The following N4BP2 variants were observed in gnomAD, a reference collection of about 807,000 sequenced individuals.
N4BP2 encodes the protein NEDD4-binding protein 2.
N4BP2 carries 91 observed loss-of-function variants against 152.8 expected under a neutral mutation model. The ratio of observed to expected loss-of-function variants is 0.60; its 90% CI spans 0.50 to 0.71. The LOEUF (loss-of-function observed/expected upper bound fraction) is 0.71. Among genes scored for constraint, N4BP2 ranks in the 30% least tolerant of loss-of-function variants. The pLI, the probability that N4BP2 is intolerant of heterozygous loss-of-function variation, is 0.00. For missense variants in N4BP2, 1,923 were observed against 2,059.1 expected (o/e 0.93, Z 1.28); for synonymous variants, 646 against 705.3 (o/e 0.92, Z 1.33).
At chr4:40,061,298 T>C (rs1482151851) in intron 1 of N4BP2, among the ~76,000 whole-genome samples, 1 of 151,898 alleles carries the variant, frequency 6.6e-6, no homozygotes, top group Non-Finnish European at 1.5e-5. Flanking sequence ...GCCTCCCGAG[T>C]AGCTGGGATT....
Position 40,112,152 on chromosome 4 carries a change from A to G in N4BP2, c.1567A>G (p.Met523Val). 6.4e-7 allele frequency: 1 copy of G among 1,571,146 alleles called. No individual in the cohort carries two copies. The stretch of plus-strand genomic sequence containing the variant: ...TAATACAAACCTACAGGCATGGGAA[A>G]TGAAACCATATGTTGCTTTGGTTAG... ...IDNTNLQAWEMKPYVALSQKH... is the reference protein window; with the variant it reads ...IDNTNLQAWEVKPYVALSQKH... The change falls in exon 6 of 18, where the codon ATG becomes GTG. Residue 523 changes from methionine (M) to valine (V), a missense_variant. By Grantham distance (21) the Met-to-Val change is conservative. Transcript: ENST00000261435.
At chr4:40,179,549 T>A in the N4BP2 span, among the ~76,000 whole-genome samples, 1 of 152,280 alleles carries the variant, frequency 6.6e-6, no homozygotes, top group South Asian at 2.1e-4. Context: ...AGGCTATTAT[T>A]ATCCCCATTT....
chr4:40,081,446 G>T lies in N4BP2; in HGVS notation c.-115+7895G>T. On this transcript the variant is annotated intron_variant, in intron 2 of 17. Transcript: ENST00000261435. ...GGATTACCTGAGGTCAGGAGTTCAA[G>T]ACCAATCTGACCAACATGGTAAAAC... 1.3e-5 allele frequency among the ~76,000 whole-genome samples: 2 copies of T among 152,084 alleles called. 1 individual carries two copies. Among genetic ancestry groups the T allele is most frequent in the Non-Finnish European group, 2.9e-5 (2 of 68,026 alleles).
At chr4:40,171,334 C>G in the N4BP2 span, among the ~76,000 whole-genome samples, 4 of 152,286 alleles carry the variant, frequency 2.6e-5, no homozygotes, top group African/African-American at 7.2e-5. Context: ...AGAGTGCCAT[C>G]TTGTTTTCTA....
chr4:40,168,993 T>C, the N4BP2 span, among the ~76,000 whole-genome samples: 1 of 152,110 alleles, frequency 6.6e-6, no homozygotes, highest in Non-Finnish European at 1.5e-5. Context: ...CCCAAAGTGC[T>C]GGGATTACAG....
intron 16 of N4BP2, among the ~76,000 whole-genome samples, chr4:40,147,927 G>A (rs1049250058): frequency 6.6e-6 from 1 of 151,278 alleles, no homozygotes; most frequent in Non-Finnish European, 1.5e-5. Context: ...CATTTCAGAC[G>A]ATGGGCGGCC....
intron 1 of N4BP2, among the ~76,000 whole-genome samples, chr4:40,072,178 G>A (rs1245353876): frequency 6.6e-6 from 1 of 151,420 alleles, no homozygotes; most frequent in African/African-American, 2.4e-5. Context: ...GGGTTCAAGT[G>A]ATTCTTGTGC....
At chr4:40,096,618 C>T (rs897114131) in intron 2 of N4BP2, among the ~76,000 whole-genome samples, 1 of 152,028 alleles carries the variant, frequency 6.6e-6, no homozygotes, top group Non-Finnish European at 1.5e-5. Context: ...TAGACTGAAG[C>T]GGCAAGGGTG....
At chr4:40,088,973 CAG>C (rs1714267362) in intron 2 of N4BP2, among the ~76,000 whole-genome samples, 2 of 151,728 alleles carry the variant, frequency 1.3e-5, no homozygotes, top group African/African-American at 4.8e-5. Context: ...TTTTTTGAAA[CAG>C]AGTCTCTGTC....
chr4:40,147,249 A>T (rs1720629385), intron 16 of N4BP2, among the ~76,000 whole-genome samples: 1 of 151,766 alleles, frequency 6.6e-6, no homozygotes, highest in African/African-American at 2.4e-5. Context: ...GATCAACAGG[A>T]TCCCAAGGCA....
At chr4:40,122,863 T>A (rs761848034) in intron 9 of N4BP2, among the ~76,000 whole-genome samples, 3 of 152,166 alleles carry the variant, frequency 2.0e-5, no homozygotes, top group Non-Finnish European at 4.4e-5. Flanking sequence ...TAGAAATGAA[T>A]AAAGTAAACA....
At chr4:40,091,481 A>C (rs1714539150) in intron 2 of N4BP2, among the ~76,000 whole-genome samples, 1 of 148,288 alleles carries the variant, frequency 6.7e-6, no homozygotes, top group Non-Finnish European at 1.5e-5. Context: ...TTTTGTCATT[A>C]TTTTCTGCAT....
chr4:40,143,733 G>A lies in N4BP2; in HGVS notation c.4974+872G>A, dbSNP rs571552173. On this transcript the variant is annotated intron_variant, in intron 15 of 17. Transcript: ENST00000261435. Reference sequence around the variant, plus strand: ...TCCTTGGGGGATAGCTTCTGGGGTAGGTAACTACAAAATGTTGAAGGTGAA... The same window carrying A: ...TCCTTGGGGGATAGCTTCTGGGGTAAGTAACTACAAAATGTTGAAGGTGAA... 7.2e-5 allele frequency among the ~76,000 whole-genome samples: 11 copies of A among 152,262 alleles called. No individual in the cohort carries two copies. In the East Asian group the frequency reaches 1.9e-3, roughly 27 times the overall value.
chr4:40,156,272 C>A lies in N4BP2; in HGVS notation c.*2035C>A, dbSNP rs1182107553. The A allele has an allele frequency of 6.6e-6, 1 of 151,928 alleles. No homozygotes were observed. The highest frequency in any genetic ancestry group is 1.5e-5 in the Non-Finnish European group (1 of 67,978). The allele number at this position is 151,928 out of a possible 1,614,324, so 9.4% of individuals were successfully genotyped here. On this transcript the variant is annotated 3_prime_UTR_variant, in exon 18 of 18. Transcript: ENST00000261435. ...TTCGGCACTTCAGCTAGACTTATTTCAATATTATAATTATGATTAATGAAG... is the reference window on the plus strand; with the variant it reads ...TTCGGCACTTCAGCTAGACTTATTTAAATATTATAATTATGATTAATGAAG...
chr4:40,117,685 A>T (rs1215053803), intron 7 of N4BP2, among the ~76,000 whole-genome samples, 184 bp from the exon 8 acceptor site: 1 of 152,256 alleles, frequency 6.6e-6, no homozygotes, highest in Admixed American at 6.5e-5. Flanking sequence ...TTAAGTGTAT[A>T]ATTTAAGAAA....
chr4:40,114,950 GTATGTT>G (rs532269239), intron 7 of N4BP2, among the ~76,000 whole-genome samples: 204 of 152,170 alleles, frequency 1.3e-3, no homozygotes, highest in Non-Finnish European at 1.6e-3. Context: ...TGCAATCTTA[GTATGTT>G]TATATTATCT....
At chr4:40,180,501 T>TA in the N4BP2 span, among the ~76,000 whole-genome samples, 93 of 149,624 alleles carry the variant, frequency 6.2e-4, no homozygotes, top group African/African-American at 2.1e-3. Context: ...TCTACTACAA[T>TA]AAAAAAAAAA....
At chr4:40,091,857 A>G (rs1270406599) in intron 2 of N4BP2, among the ~76,000 whole-genome samples, 3 of 147,692 alleles carry the variant, frequency 2.0e-5, no homozygotes, top group South Asian at 2.1e-4. Flanking sequence ...GATCCTCCCA[A>G]CTCAGCCTCC....
chr4:40,189,686 T>C, the N4BP2 span, among the ~76,000 whole-genome samples: 1 of 152,114 alleles, frequency 6.6e-6, no homozygotes, highest in East Asian at 1.9e-4. The surrounding 1 kb of genome is among the most constrained non-coding windows in gnomAD (Gnocchi z 4.3). Flanking sequence ...GTCAGGAGTT[T>C]GAGACCAGTC....
Sources: allele counts gnomAD v4.1 joint callset (sites outside exome capture counted in the v4.1 genomes callset), GRCh38; gene constraint gnomAD v4.1.1; non-coding constraint Gnocchi (gnomAD v3.1); transcripts MANE v1.5; gene names NCBI Gene and HGNC (gene_info 2026-07-23, HGNC 2026-07-21).